GRM7: variants seen among roughly 807,000 people sequenced by gnomAD.
GRM7 encodes the protein metabotropic glutamate receptor 7.
GRM7 carries 35 observed loss-of-function variants against 84.5 expected under a neutral mutation model. That is an observed-to-expected ratio of 0.41 (90% CI 0.32 to 0.55). The LOEUF (loss-of-function observed/expected upper bound fraction) is 0.55, where lower values mean the gene tolerates loss of function less well. Among genes scored for constraint, GRM7 ranks in the 20% least tolerant of loss-of-function variants. The probability of loss-of-function intolerance (pLI) is 0.19; values close to 1 mark genes in which losing one functional copy is unlikely to be tolerated. For missense variants in GRM7, 1,003 were observed against 1,194.6 expected (o/e 0.84, Z 2.36); for synonymous variants, 487 against 455.1 (o/e 1.07, Z -0.89).
At chr3:7,124,674 T>C (rs1222864804) in intron 1 of GRM7, among the ~76,000 whole-genome samples, 1 of 152,162 alleles carries the variant, frequency 6.6e-6, no homozygotes, top group African/African-American at 2.4e-5. Flanking sequence ...ACTTTTTTCT[T>C]ATTAACAGAG....
chr3:7,118,285 G>A (rs1056853295), intron 1 of GRM7, among the ~76,000 whole-genome samples: 19 of 151,794 alleles, frequency 1.3e-4, no homozygotes, highest in Non-Finnish European at 2.4e-4. Flanking sequence ...CAGTTACTCC[G>A]GAGGCTGAGG....
chr3:7,123,580 C>T (rs1254063645), intron 1 of GRM7, among the ~76,000 whole-genome samples: 3 of 151,844 alleles, frequency 2.0e-5, no homozygotes, highest in African/African-American at 7.3e-5. Flanking sequence ...GATTGCCCCA[C>T]TGTACTCCAG....
At chr3:7,153,778 A>C (rs918656069) in intron 2 of GRM7, among the ~76,000 whole-genome samples, 4 of 151,978 alleles carry the variant, frequency 2.6e-5, no homozygotes, top group Non-Finnish European at 5.9e-5. Flanking sequence ...ATTTCAGGGT[A>C]ATAATGATAA....
At chr3:7,033,201 C>T (rs1276954169) in intron 1 of GRM7, among the ~76,000 whole-genome samples, 1 of 151,832 alleles carries the variant, frequency 6.6e-6, no homozygotes, top group Admixed American at 6.6e-5. Flanking sequence ...TGTGTCTTTT[C>T]TCTTTTAAGG....
intron 1 of GRM7, among the ~76,000 whole-genome samples, chr3:7,000,975 A>G (rs1487192074): frequency 6.6e-6 from 1 of 152,228 alleles, no homozygotes; most frequent in Non-Finnish European, 1.5e-5. Context: ...GAAAAAATAT[A>G]GTATGCTTGA....
At chr3:6,889,107 C>T (rs985513398) in intron 1 of GRM7, among the ~76,000 whole-genome samples, 1 of 152,156 alleles carries the variant, frequency 6.6e-6, no homozygotes, top group African/African-American at 2.4e-5. Flanking sequence ...GCTGAAGTTG[C>T]TTGTCAGCTT....
intron 1 of GRM7, among the ~76,000 whole-genome samples, chr3:6,920,868 G>A (rs1332735181): frequency 6.6e-6 from 1 of 152,106 alleles, no homozygotes; most frequent in Admixed American, 6.5e-5. Context: ...ACCCAGACAT[G>A]CTCTTGGAAT....
chr3:7,614,628 G>A (rs753262688), intron 8 of GRM7, among the ~76,000 whole-genome samples: 3 of 152,120 alleles, frequency 2.0e-5, no homozygotes, highest in African/African-American at 4.8e-5. Flanking sequence ...ATGCAAGAAG[G>A]AAACAGTCAG....
At chr3:7,477,527 G>T (rs1323701555) in intron 7 of GRM7, among the ~76,000 whole-genome samples, 1 of 152,174 alleles carries the variant, frequency 6.6e-6, no homozygotes, top group Non-Finnish European at 1.5e-5. Flanking sequence ...TATGTGACCA[G>T]AGGTAACAGA....
intron 1 of GRM7, among the ~76,000 whole-genome samples, chr3:7,081,399 CACAA>C (rs1559426500): frequency 2.0e-5 from 3 of 152,128 alleles, no homozygotes; most frequent in South Asian, 4.1e-4. Flanking sequence ...TGTGGGGCAC[CACAA>C]ACAGTCTCCG....
chr3:7,626,048 G>T (rs1458591033), intron 8 of GRM7, among the ~76,000 whole-genome samples: 1 of 152,100 alleles, frequency 6.6e-6, no homozygotes, highest in Non-Finnish European at 1.5e-5. Context: ...GCATCAGAGA[G>T]CCATTTTTCT....
intron 2 of GRM7, among the ~76,000 whole-genome samples, chr3:7,170,080 G>A (rs1331646769): frequency 6.6e-6 from 1 of 152,168 alleles, no homozygotes; most frequent in African/African-American, 2.4e-5. Flanking sequence ...GGGTGTTGCT[G>A]AGACTCATGT....
intron 4 of GRM7, among the ~76,000 whole-genome samples, chr3:7,329,020 A>T (rs1202188721): frequency 6.6e-6 from 1 of 152,016 alleles, no homozygotes; most frequent in East Asian, 1.9e-4. Flanking sequence ...CCATAAATAA[A>T]AGCAAATCTC....
At chr3:7,139,891 C>T (rs1693892554) in intron 1 of GRM7, among the ~76,000 whole-genome samples, 2 of 151,854 alleles carry the variant, frequency 1.3e-5, no homozygotes, top group Admixed American at 6.6e-5. Context: ...CACCTAAATA[C>T]AAGAAAATAT....
intron 2 of GRM7, among the ~76,000 whole-genome samples, chr3:7,251,875 CA>C (rs879803645): frequency 5.9e-5 from 9 of 152,124 alleles, no homozygotes; most frequent in Admixed American, 1.3e-4. Context: ...AGCAAATTAT[CA>C]AAGATAGTTA....
intron 5 of GRM7, among the ~76,000 whole-genome samples, chr3:7,419,460 G>A (rs1395425400): frequency 6.6e-6 from 1 of 152,122 alleles, no homozygotes; most frequent in African/African-American, 2.4e-5. Context: ...ATCCCCAAGA[G>A]TGTAACACTC....
At chr3:7,581,080 A>C (rs1695228373) in intron 8 of GRM7, among the ~76,000 whole-genome samples, 1 of 152,182 alleles carries the variant, frequency 6.6e-6, no homozygotes, top group Non-Finnish European at 1.5e-5. Flanking sequence ...CATAAAAAGG[A>C]AAAATAATTA....
At chr3:7,201,978 T>C (rs1156659902) in intron 2 of GRM7, among the ~76,000 whole-genome samples, 6 of 152,328 alleles carry the variant, frequency 3.9e-5, no homozygotes, top group African/African-American at 1.4e-4. Flanking sequence ...GCTATCTGTT[T>C]AGTATTAATT....
At chr3:7,543,469 C>A (rs545487404) in intron 7 of GRM7, among the ~76,000 whole-genome samples, 1 of 152,328 alleles carries the variant, frequency 6.6e-6, no homozygotes, top group East Asian at 1.9e-4. Context: ...CTCTGAAAAC[C>A]TGGAGGACAG....
Sources: gnomAD v4.1 joint callset for allele counts (sites outside exome capture counted in the v4.1 genomes callset) on GRCh38, gnomAD v4.1.1 for gene constraint, MANE v1.5 for transcripts, NCBI Gene and HGNC (gene_info 2026-07-23, HGNC 2026-07-21) for gene names.